EPS15L1: variants seen among roughly 807,000 people sequenced by gnomAD.
EPS15L1 encodes the protein epidermal growth factor receptor pathway substrate 15 like 1.
A neutral mutation model predicts 117.1 loss-of-function variants in EPS15L1; 43 were observed. That is an observed-to-expected ratio of 0.37 (90% CI 0.29 to 0.47). The LOEUF (loss-of-function observed/expected upper bound fraction) is 0.47. Ranked by LOEUF, EPS15L1 falls within the 20% of genes least tolerant of loss-of-function variation. The pLI, the probability that EPS15L1 is intolerant of heterozygous loss-of-function variation, is 0.99. For missense variants in EPS15L1, 981 were observed against 1,164.0 expected (o/e 0.84, Z 2.29); for synonymous variants, 459 against 470.5 (o/e 0.98, Z 0.32).
intron 16 of EPS15L1, among the ~76,000 whole-genome samples, chr19:16,395,924 G>A (rs1185209898): frequency 4.6e-5 from 5 of 107,588 alleles, no homozygotes; most frequent in African/African-American, 1.4e-4. Context: ...CAGCCTGGGC[G>A]ATAGAGTGAG....
At position 16,436,943 on chromosome 19, in the gene EPS15L1, A is replaced by G. The variant is rs758158925; in HGVS notation, c.366T>C (p.Ala122=). ...VTPPSAEAHW[A]VRVEEKAKFD... is the part of the protein sequence containing the mutation. ...GCTATTCCCGTTCACTTACCCTCAC[A>G]GCCCAGTGGGCCTCTGCAGAGGGCG... The change falls in exon 6 of 24, where the codon GCT becomes GCC. Residue 122 remains alanine (A), a synonymous_variant. Coordinates refer to ENST00000455140, the MANE Select transcript of EPS15L1 (RefSeq NM_001258374.3). 1 of 1,613,510 alleles carries G rather than the reference A, an allele frequency of 6.2e-7. No individual in the cohort carries two copies. Among genetic ancestry groups the G allele is most frequent in the Non-Finnish European group, 8.5e-7 (1 of 1,179,444 alleles).
chr19:16,364,318 G>T (rs1049181610), intron 22 of EPS15L1, among the ~76,000 whole-genome samples: 2 of 152,228 alleles, frequency 1.3e-5, no homozygotes, highest in African/African-American at 4.8e-5. Flanking sequence ...GCAGTGCCCA[G>T]CCCACGCGGG....
chr19:16,466,928 C>G (rs2093310376), intron 1 of EPS15L1, among the ~76,000 whole-genome samples: 1 of 150,948 alleles, frequency 6.6e-6, no homozygotes, highest in South Asian at 2.1e-4. Context: ...AAGGAAAGCA[C>G]TGAGAGCACA....
intron 7 of EPS15L1, among the ~76,000 whole-genome samples, chr19:16,432,372 T>A (rs956394520): frequency 2.4e-4 from 37 of 151,992 alleles, no homozygotes; most frequent in Admixed American, 2.3e-3. Context: ...ATCGAGACCA[T>A]CCTGGCTGAC....
intron 12 of EPS15L1, among the ~76,000 whole-genome samples, chr19:16,416,091 C>T (rs993063254): frequency 1.3e-5 from 2 of 152,230 alleles, no homozygotes; most frequent in Non-Finnish European, 2.9e-5. Context: ...ACCTAACCTG[C>T]CTTTGCTCAT....
chr19:16,376,920 G>C (rs548425642), intron 22 of EPS15L1, among the ~76,000 whole-genome samples: 11 of 152,366 alleles, frequency 7.2e-5, no homozygotes, highest in Non-Finnish European at 1.6e-4. Context: ...AGGACGGGGC[G>C]AGGGCGGGCA....
intron 1 of EPS15L1, among the ~76,000 whole-genome samples, chr19:16,451,314 T>C (rs913355189): frequency 1.3e-5 from 2 of 152,086 alleles, no homozygotes; most frequent in African/African-American, 4.8e-5. Flanking sequence ...TGTTTTTTCT[T>C]TAAAGACTTA....
In EPS15L1 at chr19:16,404,403, CA is replaced by C. The variant is rs1295822275; in HGVS notation, c.1428+184del. ...TTATACAACCTGACTTCTAGGAGTACAGGGGGGTGGCCAGGAAGTCAAGCCA... is the reference window on the plus strand; with the variant it reads ...TTATACAACCTGACTTCTAGGAGTACGGGGGGTGGCCAGGAAGTCAAGCCA... On this transcript the variant is annotated intron_variant, in intron 14 of 23. Transcript: ENST00000455140. This position sits in a 1 kb window ranked among gnomAD's most constrained non-coding sequence, Gnocchi z 4.2. Among the ~76,000 whole-genome samples the C allele has an allele frequency of 2.6e-5, 4 of 152,158 alleles. No individual in the cohort carries two copies. The highest frequency in any genetic ancestry group is 2.9e-5 in the Non-Finnish European group (2 of 68,012).
chr19:16,463,760 G>A (rs944566543), intron 1 of EPS15L1, among the ~76,000 whole-genome samples: 5 of 152,196 alleles, frequency 3.3e-5, no homozygotes, highest in African/African-American at 1.2e-4. Flanking sequence ...AAATGGAAAA[G>A]GTGTCCATCT....
rs754651853 is a variant in EPS15L1 at position 16,404,623 on chromosome 19, C to T, written c.1393G>A (p.Asp465Asn). The T allele has an allele frequency of 7.4e-6, 12 of 1,614,060 alleles. No individual in the cohort carries two copies. Among genetic ancestry groups the T allele is most frequent in the Non-Finnish European group, 3.4e-6 (4 of 1,180,034 alleles). ...TCATCCTGGCACTTCTGCCGGACGTCGCTCAGCATGTCTCGGAGCTTGGCC... is the reference window on the plus strand; with the variant it reads ...TCATCCTGGCACTTCTGCCGGACGTTGCTCAGCATGTCTCGGAGCTTGGCC... ...QKAKLRDMLS[D>N]VRQKCQDETQ... The change falls in exon 14 of 24, where the codon GAC becomes AAC. Residue 465 changes from aspartate (D) to asparagine (N), a missense_variant. Asp to Asn is a conservative substitution (Grantham distance 23). Coordinates refer to ENST00000455140, the MANE Select transcript of EPS15L1 (RefSeq NM_001258374.3). This position sits in a 1 kb window ranked among gnomAD's most constrained non-coding sequence, Gnocchi z 4.2.
chr19:16,355,919 A>G (rs1314443107), intron 23 of EPS15L1, 68 bp from the exon 24 acceptor site: 3 of 1,509,000 alleles, frequency 2.0e-6, no homozygotes, highest in Admixed American at 4.0e-5. Context: ...GGAGGGAGGC[A>G]GGGAATGCGT....
chr19:16,362,790 A>AT (rs2092076365), intron 22 of EPS15L1, among the ~76,000 whole-genome samples: 1 of 152,084 alleles, frequency 6.6e-6, no homozygotes, highest in East Asian at 1.9e-4. Context: ...GATTACAGGC[A>AT]TGAGCCACTG....
At chr19:16,413,934 A>T in intron 12 of EPS15L1, 89 bp from the exon 13 acceptor site, 1 of 958,082 alleles carries the variant, frequency 1.0e-6, no homozygotes, top group Non-Finnish European at 1.6e-6. Context: ...CCCCCACAAA[A>T]GCCCCTCTGT....
At chr19:16,457,864 T>C (rs1035070290) in intron 1 of EPS15L1, among the ~76,000 whole-genome samples, 1 of 150,482 alleles carries the variant, frequency 6.6e-6, no homozygotes, top group Non-Finnish European at 1.5e-5. Flanking sequence ...CACCCAAGAC[T>C]GGGGGGGAGG....
intron 1 of EPS15L1, among the ~76,000 whole-genome samples, chr19:16,446,943 A>AT (rs2093089100): frequency 6.6e-6 from 1 of 152,228 alleles, no homozygotes; most frequent in Admixed American, 6.5e-5. Context: ...GAAGTTAGGC[A>AT]TATAACACTG....
intron 16 of EPS15L1, among the ~76,000 whole-genome samples, chr19:16,398,169 G>A (rs141950729): frequency 7.2e-5 from 11 of 152,308 alleles, no homozygotes; most frequent in African/African-American, 2.4e-4. Context: ...ACAAGCCACC[G>A]GTCTGGGCTG....
chr19:16,418,089 C>T lies in EPS15L1; in HGVS notation c.966G>A (p.Thr322=), dbSNP rs370558804. 65 of 1,613,568 alleles carry T rather than the reference C, an allele frequency of 4.0e-5. No homozygotes were observed. The highest frequency in any genetic ancestry group is 5.0e-5 in the Non-Finnish European group (59 of 1,179,708). Residue 322 remains threonine (T), a synonymous_variant, in exon 11 of 24, where the codon ACG becomes ACA. Coordinates refer to ENST00000455140, the MANE Select transcript of EPS15L1 (RefSeq NM_001258374.3). ...CTTTGCTTAACTTCCCCGTTTGCCT[C>T]GTATCGGCCAGGGCCCTGGGAGAAA... ...LLAHIWALAD[T]RQTGKLSKDQ...
chr19:16,464,935 C>A (rs1306536110), intron 1 of EPS15L1, among the ~76,000 whole-genome samples: 2 of 152,026 alleles, frequency 1.3e-5, no homozygotes, highest in African/African-American at 4.8e-5. Context: ...AAAAATTAGC[C>A]AGGTGTGGTG....
At chr19:16,378,190 G>A (rs940033697) in intron 21 of EPS15L1, among the ~76,000 whole-genome samples, 3 of 152,012 alleles carry the variant, frequency 2.0e-5, no homozygotes, top group Non-Finnish European at 1.5e-5. Flanking sequence ...GATATGTGGC[G>A]ACGTCTTGCA....
Sources: gnomAD v4.1 joint callset for allele counts (sites outside exome capture counted in the v4.1 genomes callset) on GRCh38, gnomAD v4.1.1 for gene constraint, Gnocchi (gnomAD v3.1) non-coding constraint, MANE v1.5 for transcripts, NCBI Gene and HGNC (gene_info 2026-07-23, HGNC 2026-07-21) for gene names.